MBOAT7: variants seen among roughly 807,000 people sequenced by gnomAD.
MBOAT7 encodes membrane bound acylglycerophosphatidylinositol O-acyltransferase MBOAT7, also known as membrane-bound acylglycerophosphatidylinositol O-acyltransferase MBOAT7.
Under a neutral mutation model 47.4 loss-of-function variants are expected in MBOAT7, and 40 were observed. The ratio of observed to expected loss-of-function variants is 0.84; its 90% confidence interval spans 0.66 to 1.10. MBOAT7 has a LOEUF of 1.10. MBOAT7 is among the 50% of genes least tolerant of loss of function. The probability of loss-of-function intolerance (pLI) is 0.00; values close to 1 mark genes in which losing one functional copy is unlikely to be tolerated. For synonymous variants in MBOAT7, 361 were observed against 292.0 expected (o/e 1.24, Z -2.41); for missense variants, 680 against 655.6 (o/e 1.04, Z -0.41).
chr19:54,183,658 A>G lies in MBOAT7; in HGVS notation c.356T>C (p.Val119Ala). Reference protein sequence around the residue: ...TLKLVSLASEVQDLHLAQRKE... With the variant: ...TLKLVSLASEAQDLHLAQRKE... ...CCTCTGGGCCAGATGCAGGTCCTGG[A>G]CTTCACTGGCCAGGCTCACCAGCTG... Residue 119 changes from valine (V) to alanine (A), a missense_variant, in exon 5 of 8, where the codon GTC (valine) becomes GCC (alanine). By Grantham distance (64) the Val-to-Ala change is moderately conservative (BLOSUM62 0). Transcript: ENST00000245615. The G allele has an allele frequency of 1.3e-6, 2 of 1,588,596 alleles. No homozygotes were observed. The highest frequency in any genetic ancestry group is 1.7e-6 in the Non-Finnish European group (2 of 1,168,130).
intron 7 of MBOAT7, among the ~76,000 whole-genome samples, chr19:54,177,321 A>T (rs2076135870): frequency 6.6e-6 from 1 of 152,010 alleles, no homozygotes; most frequent in Admixed American, 6.6e-5. Context: ...TTTGAGACAG[A>T]GTCTCGCTCT....
At chr19:54,183,812 G>A in intron 4 of MBOAT7, 132 bp from the exon 5 acceptor site, 3 of 868,640 alleles carry the variant, frequency 3.5e-6, no homozygotes, top group Non-Finnish European at 4.9e-6. Context: ...TAGGTTGTGT[G>A]TAACGCCTCT....
intron 4 of MBOAT7, among the ~76,000 whole-genome samples, chr19:54,184,736 C>T (rs866556654): frequency 2.6e-5 from 4 of 152,040 alleles, no homozygotes; most frequent in Admixed American, 6.6e-5. Flanking sequence ...AACCCTGTCT[C>T]TACTAAAAAT....
At chr19:54,188,043 AAGAAAGAAAGAAAGAAAGAAAGAAAG>A (rs1555842464) in intron 3 of MBOAT7, among the ~76,000 whole-genome samples, 148 bp downstream of exon 3, 58,593 of 148,976 alleles carry the variant, frequency 0.39, 12,439 homozygotes, top group East Asian at 0.57. Context: ...GAAAGAAAGA[AAGAAAGAAAGAAAGAAAGAAAGAAAG>A]ACAAACAAAC....
At chr19:54,178,691 G>T (rs1052118032) in intron 7 of MBOAT7, 74 bp downstream of exon 7, 2 of 1,558,744 alleles carry the variant, frequency 1.3e-6, no homozygotes, top group Non-Finnish European at 1.7e-6. Flanking sequence ...AGCCAGGGAC[G>T]CTGCAGGCTA....
At chr19:54,182,839 T>C (rs2076326523) in intron 5 of MBOAT7, among the ~76,000 whole-genome samples, 1 of 152,020 alleles carries the variant, frequency 6.6e-6, no homozygotes, top group African/African-American at 2.4e-5. Flanking sequence ...TAGCTGGGAT[T>C]ACAGGCACAC....
chr19:54,176,428 C>T (rs561010363), intron 7 of MBOAT7, among the ~76,000 whole-genome samples: 13 of 151,930 alleles, frequency 8.6e-5, no homozygotes, highest in South Asian at 4.2e-4. Context: ...CATGGTAGCA[C>T]GTGCCTATAA....
chr19:54,186,972 G>A (rs2076443689), intron 4 of MBOAT7, 189 bp downstream of exon 4: 1 of 677,446 alleles, frequency 1.5e-6, no homozygotes, highest in Non-Finnish European at 2.4e-6. Context: ...AGGAGGAGCT[G>A]GGAGGTGAAG....
At chr19:54,184,021 C>A (rs374254863) in intron 4 of MBOAT7, among the ~76,000 whole-genome samples, 1 of 152,150 alleles carries the variant, frequency 6.6e-6, no homozygotes, top group Non-Finnish European at 1.5e-5. Context: ...GCACCCCAAA[C>A]GCACTGGAAA....
At chr19:54,182,692 G>A (rs2076322420) in intron 5 of MBOAT7, among the ~76,000 whole-genome samples, 1 of 151,726 alleles carries the variant, frequency 6.6e-6, no homozygotes, top group Non-Finnish European at 1.5e-5. Context: ...ATACACACAT[G>A]CACACACACA....
At position 54,178,760 on chromosome 19, in the gene MBOAT7, C is replaced by T; in HGVS notation, c.1031+5G>A. ...TGTCACCTGAGACTGGGCGGGCTCA[C>T]TCACCGCAGGACATAGGAACGGGCA... On this transcript the variant is annotated splice_donor_5th_base_variant and intron_variant, in intron 7 of 7. Coordinates refer to ENST00000245615, the MANE Select transcript of MBOAT7 (RefSeq NM_024298.5). 6.2e-7 allele frequency: 1 copy of T among 1,612,826 alleles called. No individual in the cohort carries two copies.
Position 54,174,354 on chromosome 19 carries a change from G to T in MBOAT7, c.1109C>A (p.Pro370Gln). ...CCGGCCCTCGGCAGCCAGGCACAGC[G>T]GGATGGTCAGGAAGCTCAGGTAGTA... Reference protein sequence around the residue: ...PGYYLSFLTIPLCLAAEGRLE... With the variant: ...PGYYLSFLTIQLCLAAEGRLE... The change falls in exon 8 of 8, where the codon CCG (proline) becomes CAG (glutamine). Residue 370 changes from proline to glutamine, a missense_variant. Transcript: ENST00000245615. 1 of 1,612,432 alleles carries T rather than the reference G, an allele frequency of 6.2e-7. No homozygotes were observed. The highest frequency in any genetic ancestry group is 8.5e-7 in the Non-Finnish European group (1 of 1,179,216).
Position 54,174,219 on chromosome 19 carries a change from A to ACGAAGCCCATG in MBOAT7, c.1233_1243dup (p.Val415AlafsTer37). On this transcript the variant is annotated frameshift_variant, in exon 8 of 8. Coordinates refer to ENST00000245615, the MANE Select transcript of MBOAT7 (RefSeq NM_024298.5). LOFTEE classifies it high-confidence loss of function. The stretch of plus-strand genomic sequence containing the variant: ...AAGGGTGTCGGCCAAGGAGAGCAGC[A>ACGAAGCCCATG]CGAAGCCCATGCACATGTAGTCATA... The ACGAAGCCCATG allele has an allele frequency of 6.2e-7, 1 of 1,602,102 alleles. No homozygotes were observed.
At position 54,178,901 on chromosome 19, in the gene MBOAT7, T is replaced by C. The variant is rs1201277191; in HGVS notation, c.895A>G (p.Ile299Val). Residue 299 changes from isoleucine (I) to valine (V), a missense_variant, in exon 7 of 8, where the codon ATC (isoleucine) becomes GTC (valine). Physicochemically the swap from Ile to Val is conservative, Grantham distance 29. Transcript: ENST00000245615. ...GTGCTGTAGCAGTCGATGTTGCGGA[T>C]GGTCTCATAGTCATACTCCAAGGAA... ...AASLEYDYETIRNIDCYSTDF... is the reference protein window; with the variant it reads ...AASLEYDYETVRNIDCYSTDF... 4 of 1,613,330 alleles carry C rather than the reference T, an allele frequency of 2.5e-6. No homozygotes were observed. Among genetic ancestry groups the C allele is most frequent in the Non-Finnish European group, 3.4e-6 (4 of 1,180,006 alleles).
intron 4 of MBOAT7, among the ~76,000 whole-genome samples, chr19:54,185,439 C>A (rs254281): frequency 3.8e-4 from 58 of 152,004 alleles, no homozygotes; most frequent in African/African-American, 1.2e-3. Context: ...CTCCTTCTGC[C>A]GGGCTGGGGT....
chr19:54,178,412 C>G, intron 7 of MBOAT7: 1 of 1,235,060 alleles, frequency 8.1e-7, no homozygotes, highest in Non-Finnish European at 1.0e-6. Context: ...GCATTCACTC[C>G]ATTCAACACT....
Position 54,188,248 on chromosome 19 carries a change from C to A in MBOAT7, c.175G>T (p.Gly59Trp). The A allele has an allele frequency of 6.2e-7, 1 of 1,613,722 alleles. No homozygotes were observed. The highest frequency in any genetic ancestry group is 8.5e-7 in the Non-Finnish European group (1 of 1,179,854). The change falls in exon 3 of 8, where the codon GGG (glycine) becomes TGG (tryptophan). Residue 59 changes from glycine to tryptophan, a missense_variant. Coordinates refer to ENST00000245615, the MANE Select transcript of MBOAT7 (RefSeq NM_024298.5). ...TGGGCCTGAATGAGGGCCCAGGTCC[C>A]GAGGATGGTGACCAGAGAATGCAAA... Reference protein sequence around the residue: ...HTLHSLVTILGTWALIQAQPC... With the variant: ...HTLHSLVTILWTWALIQAQPC...
intron 7 of MBOAT7, 98 bp downstream of exon 7, chr19:54,178,667 G>T: frequency 6.6e-7 from 1 of 1,510,568 alleles, no homozygotes; most frequent in East Asian, 2.4e-5. Flanking sequence ...ATGAGCCTCC[G>T]GGGGCAGGGG....
chr19:54,185,660 T>C (rs557395852), intron 4 of MBOAT7, among the ~76,000 whole-genome samples: 1 of 151,886 alleles, frequency 6.6e-6, no homozygotes, highest in African/African-American at 2.4e-5. Context: ...CCACTTCAAT[T>C]CTCCTTCAGC....
Sources: allele counts gnomAD v4.1 joint callset (sites outside exome capture counted in the v4.1 genomes callset), GRCh38; gene constraint gnomAD v4.1.1; transcripts MANE v1.5; gene names NCBI Gene and HGNC (gene_info 2026-07-23, HGNC 2026-07-21).